The following PTCHD4 variants were observed in gnomAD, a reference collection of about 807,000 sequenced individuals.
The protein encoded by PTCHD4 is patched domain containing 4.
PTCHD4 carries 33 observed loss-of-function variants against 58.1 expected under a neutral mutation model. That is an observed-to-expected ratio of 0.57 (90% CI 0.43 to 0.76). The LOEUF is 0.76. Among genes scored for constraint, PTCHD4 ranks in the 30% least tolerant of loss-of-function variants. The pLI is 0.00. For missense variants in PTCHD4, 1,058 were observed against 1,027.1 expected, an observed-to-expected ratio of 1.03 and a Z score of -0.41; for synonymous variants, 478 against 409.6, an observed-to-expected ratio of 1.17 and a Z score of -2.02.
intron 4 of PTCHD4, among the ~76,000 whole-genome samples, chr6:47,959,025 C>A (rs1382524519): frequency 1.3e-5 from 2 of 152,034 alleles, no homozygotes; most frequent in Non-Finnish European, 2.9e-5. Flanking sequence ...ACATAGATTT[C>A]AACATGGTAA....
At chr6:48,061,356 A>T (rs955581540) in intron 3 of PTCHD4, among the ~76,000 whole-genome samples, 4 of 152,234 alleles carry the variant, frequency 2.6e-5, no homozygotes, top group African/African-American at 9.6e-5. Flanking sequence ...CAGCCTCTTG[A>T]TAATTCTCCA....
chr6:47,981,556 TC>T (rs1379654156), intron 4 of PTCHD4, among the ~76,000 whole-genome samples: 2 of 152,150 alleles, frequency 1.3e-5, no homozygotes, highest in African/African-American at 4.8e-5. Context: ...AAAAATCTGA[TC>T]TTTTGGTAGA....
At chr6:47,898,968 T>C (rs1360666502) in intron 4 of PTCHD4, among the ~76,000 whole-genome samples, 1 of 152,198 alleles carries the variant, frequency 6.6e-6, no homozygotes, top group Non-Finnish European at 1.5e-5. Context: ...AATCCAGTGA[T>C]TGGTTTTCAT....
At chr6:47,942,201 C>T (rs1235322312) in intron 4 of PTCHD4, among the ~76,000 whole-genome samples, 3 of 152,266 alleles carry the variant, frequency 2.0e-5, no homozygotes, top group East Asian at 3.9e-4. Context: ...TTCAAAATAG[C>T]ATTGCAGAGA....
intron 1 of PTCHD4, among the ~76,000 whole-genome samples, chr6:48,099,008 A>G (rs1765537537): frequency 1.3e-5 from 2 of 152,198 alleles, no homozygotes; most frequent in South Asian, 4.1e-4. Context: ...GAACCTCTAC[A>G]GTAATTTGTT....
chr6:47,928,125 T>C (rs1040569346), intron 4 of PTCHD4, among the ~76,000 whole-genome samples: 2 of 152,170 alleles, frequency 1.3e-5, no homozygotes, highest in African/African-American at 4.8e-5. Flanking sequence ...TGGCTTTGTT[T>C]TTCTGGACTA....
rs1763398126 is a variant in PTCHD4, at chr6:47,860,452, T to G, written c.*17851A>C. On this transcript the variant is annotated 3_prime_UTR_variant, in exon 5 of 5. Transcript: ENST00000339488. ...AACTCAGTGGATAAGACACATGATC[T>G]GATTTTGTTTAGTAATCTACATCAT... 6.6e-6 allele frequency among the ~76,000 whole-genome samples: 1 copy of G among 152,048 alleles called. No homozygotes were observed. The highest frequency in any genetic ancestry group is 6.6e-5 in the Admixed American group (1 of 15,242).
rs573121092 is a variant in PTCHD4 at position 47,860,754 on chromosome 6, G to C, written c.*17549C>G. On this transcript the variant is annotated 3_prime_UTR_variant, in exon 5 of 5. Coordinates refer to ENST00000339488, the MANE Select transcript of PTCHD4 (RefSeq NM_001384253.1). ...TAGGTAGAGGGTTAAAAACCCACTA[G>C]TCTACTAGTTTATTTCACTCATTGC... is the stretch of plus-strand genomic sequence containing the variant. Among the ~76,000 whole-genome samples the C allele has an allele frequency of 2.0e-5, 3 of 152,002 alleles. No homozygotes were observed. The South Asian group carries it at 6.2e-4, about 32-fold the overall frequency.
chr6:48,027,150 AT>A, intron 3 of PTCHD4, among the ~76,000 whole-genome samples: 1 of 152,254 alleles, frequency 6.6e-6, no homozygotes, highest in Non-Finnish European at 1.5e-5. Flanking sequence ...TTTCTTCTAC[AT>A]CCAGATAACA....
rs371352673 is a variant in PTCHD4, at chr6:47,963,891, C to A, written c.898+44743G>T. Among the ~76,000 whole-genome samples the A allele has an allele frequency of 7.0e-4, 107 of 152,288 alleles. 3 individuals are homozygous for A. In the South Asian group the frequency reaches 0.022, roughly 32 times the overall value. On this transcript the variant is annotated intron_variant, in intron 4 of 4. Transcript: ENST00000339488. ...GCTAATTATTGCAAAGTCATTGTGG[C>A]TCTCAAGCAAGCAAATACCCTATTA...
At chr6:47,899,148 G>A (rs115153198) in intron 4 of PTCHD4, among the ~76,000 whole-genome samples, 4,218 of 152,228 alleles carry the variant, frequency 0.028, 193 homozygotes, top group African/African-American at 0.093. Context: ...TATCACATCC[G>A]CCACAACTCC....
intron 1 of PTCHD4, among the ~76,000 whole-genome samples, chr6:48,079,168 A>T (rs1765117532): frequency 6.6e-6 from 1 of 151,842 alleles, no homozygotes; most frequent in South Asian, 2.1e-4. Context: ...GTGTATGCTT[A>T]CATTCAAATT....
chr6:48,053,502 C>A (rs1402840516), intron 3 of PTCHD4, among the ~76,000 whole-genome samples: 1 of 76,944 alleles, frequency 1.3e-5, no homozygotes, highest in Non-Finnish European at 2.7e-5. Flanking sequence ...GAGCTAATAA[C>A]AATTTAATAA....
At position 48,069,840 on chromosome 6, in the gene PTCHD4, T is replaced by C. The variant is rs1360994875; in HGVS notation, c.-883A>G. On this transcript the variant is annotated 5_prime_UTR_variant, in exon 2 of 5. Coordinates refer to ENST00000339488, the MANE Select transcript of PTCHD4 (RefSeq NM_001384253.1). ...CCTTCCACCCCTCACCCATGAGGAC[T>C]GTTTCAAGCCATCTGGTTCAGGCTA... Among the ~76,000 whole-genome samples the C allele has an allele frequency of 6.6e-6, 1 of 152,172 alleles. No homozygotes were observed. The highest frequency in any genetic ancestry group is 1.5e-5 in the Non-Finnish European group (1 of 68,034).
intron 3 of PTCHD4, among the ~76,000 whole-genome samples, chr6:48,039,668 G>GA (rs1263122445): frequency 6.6e-6 from 1 of 152,080 alleles, no homozygotes; most frequent in African/African-American, 2.4e-5. Context: ...AAAAGGTAGA[G>GA]AAAAAATACT....
chr6:48,005,198 G>C (rs1394788648), intron 4 of PTCHD4, among the ~76,000 whole-genome samples: 1 of 152,154 alleles, frequency 6.6e-6, no homozygotes, highest in Non-Finnish European at 1.5e-5. Flanking sequence ...GCAGTACAGA[G>C]GCAAGATAGG....
At chr6:48,034,488 T>C (rs1354013719) in intron 3 of PTCHD4, among the ~76,000 whole-genome samples, 2 of 152,038 alleles carry the variant, frequency 1.3e-5, no homozygotes, top group African/African-American at 4.8e-5. Flanking sequence ...CTTAATTTCC[T>C]TGGAAAAAAA....
At chr6:47,910,900 T>C (rs1047609462) in intron 4 of PTCHD4, among the ~76,000 whole-genome samples, 4 of 152,178 alleles carry the variant, frequency 2.6e-5, no homozygotes, top group African/African-American at 9.6e-5. Context: ...TGCAGTATGT[T>C]GGTCACTGTT....
intron 4 of PTCHD4, among the ~76,000 whole-genome samples, chr6:48,000,227 T>C (rs1298799653): frequency 6.6e-6 from 1 of 152,190 alleles, no homozygotes; most frequent in Non-Finnish European, 1.5e-5. Context: ...TATATCTTTG[T>C]TATGTTAACA....
Sources: allele counts gnomAD v4.1 joint callset (sites outside exome capture counted in the v4.1 genomes callset), GRCh38; gene constraint gnomAD v4.1.1; transcripts MANE v1.5; gene names NCBI Gene and HGNC (gene_info 2026-07-23, HGNC 2026-07-21).